RPS6KA2: variants seen among roughly 807,000 people sequenced by gnomAD.
RPS6KA2 encodes the protein ribosomal protein S6 kinase alpha-2.
In RPS6KA2, 42 loss-of-function variants were observed where a neutral mutation model predicts 91.8. The ratio of observed to expected loss-of-function variants is 0.46; its 90% CI spans 0.36 to 0.59. RPS6KA2 has a LOEUF of 0.59. Among genes scored for constraint, RPS6KA2 ranks in the 20% least tolerant of loss-of-function variants. RPS6KA2 has a pLI of 0.00. For missense variants in RPS6KA2, 798 were observed against 978.5 expected (o/e 0.82, Z 2.46); for synonymous variants, 414 against 393.6 (o/e 1.05, Z -0.61).
At chr6:166,861,074 A>C (rs1002599367) in intron 1 of RPS6KA2, among the ~76,000 whole-genome samples, 19 of 152,360 alleles carry the variant, frequency 1.2e-4, no homozygotes, top group African/African-American at 4.6e-4. Context: ...TATGTCGAGC[A>C]TTATTTAGCT....
intron 2 of RPS6KA2, among the ~76,000 whole-genome samples, chr6:166,776,803 A>G (rs1265899049): frequency 1.3e-5 from 2 of 152,204 alleles, no homozygotes; most frequent in Non-Finnish European, 2.9e-5. Context: ...TTGTGCGTCC[A>G]TTCATCCATT....
intron 4 of RPS6KA2, among the ~76,000 whole-genome samples, chr6:166,509,176 T>C (rs1782375408): frequency 6.6e-6 from 1 of 152,238 alleles, no homozygotes; most frequent in Non-Finnish European, 1.5e-5. Flanking sequence ...CAGGACTGTG[T>C]AAACTGAGTG....
rs1363266331 is a variant in RPS6KA2, at chr6:166,557,086, G to A, written c.100-18302C>T. Among the ~76,000 whole-genome samples, 5 of 152,194 alleles carry A rather than the reference G, an allele frequency of 3.3e-5. No homozygotes were observed. Among genetic ancestry groups the A allele is most frequent in the African/African-American group, 4.8e-5 (2 of 41,456 alleles). ...CATCACATCCCGCCTCGCCAAACAC[G>A]TTTTCTCTTCCTGTTACCCAGTGCC... is the stretch of plus-strand genomic sequence containing the variant. On this transcript the variant is annotated intron_variant, in intron 1 of 20. Transcript: ENST00000265678. This position sits in a 1 kb window ranked among gnomAD's most constrained non-coding sequence, Gnocchi z 4.8.
chr6:166,543,407 G>A (rs6918886), intron 1 of RPS6KA2, among the ~76,000 whole-genome samples: 60,679 of 152,006 alleles, frequency 0.4, 12,333 homozygotes, highest in South Asian at 0.56. Context: ...ACTTGGCTTC[G>A]TCTAGAATCT....
At chr6:166,709,510 T>C (rs1789785928) in intron 2 of RPS6KA2, among the ~76,000 whole-genome samples, 1 of 152,176 alleles carries the variant, frequency 6.6e-6, no homozygotes, top group Non-Finnish European at 1.5e-5. Flanking sequence ...GAAAAAACTA[T>C]TTGATGGCTT....
rs986001780 is a variant in RPS6KA2 at position 166,563,349 on chromosome 6, C to T, written c.100-24565G>A. 6.6e-6 allele frequency among the ~76,000 whole-genome samples: 1 copy of T among 152,224 alleles called. No individual in the cohort carries two copies. The highest frequency in any genetic ancestry group is 1.5e-5 in the Non-Finnish European group (1 of 68,034). On this transcript the variant is annotated intron_variant, in intron 1 of 20. Coordinates refer to ENST00000265678, the MANE Select transcript of RPS6KA2 (RefSeq NM_021135.6). The surrounding 1 kb of genome is among the most constrained non-coding windows in gnomAD (Gnocchi z 4.1). The stretch of plus-strand genomic sequence containing the variant: ...ATCAGCCTCTGTTCCTTCTTTTCCG[C>T]AGCTCACCTGTTCCCGGCTTTTCCT...
At chr6:166,741,423 T>C (rs1790811936) in intron 2 of RPS6KA2, among the ~76,000 whole-genome samples, 1 of 152,256 alleles carries the variant, frequency 6.6e-6, no homozygotes, top group African/African-American at 2.4e-5. Context: ...GTTTTGAGTG[T>C]TGAATGTCAA....
At chr6:166,568,512 G>A (rs889569919) in intron 1 of RPS6KA2, among the ~76,000 whole-genome samples, 6 of 151,808 alleles carry the variant, frequency 4.0e-5, no homozygotes, top group Admixed American at 2.6e-4. Flanking sequence ...AGCTACTCAG[G>A]AGGCTTGAGG....
intron 1 of RPS6KA2, among the ~76,000 whole-genome samples, chr6:166,571,600 A>T (rs905118083): frequency 1.3e-5 from 2 of 152,354 alleles, no homozygotes; most frequent in South Asian, 2.1e-4. Context: ...CATGGGGGGA[A>T]ATTTAAAATC....
intron 2 of RPS6KA2, 71 bp from the exon 3 acceptor site, chr6:166,531,384 AG>A: frequency 8.7e-7 from 1 of 1,152,986 alleles, no homozygotes; most frequent in Admixed American, 1.7e-5. Context: ...GGATTTGACA[AG>A]GGGATACACA....
At chr6:166,824,891 C>G (rs931630399) in intron 2 of RPS6KA2, among the ~76,000 whole-genome samples, 2 of 151,872 alleles carry the variant, frequency 1.3e-5, no homozygotes, top group African/African-American at 2.4e-5. Flanking sequence ...GTATGTATGT[C>G]TGTGTGTATG....
rs1008326253 is a variant in RPS6KA2, at chr6:166,694,909, A to G, written c.124-156125T>C. ...CCTCCCAGCTGGGTTTTAGATACCA[A>G]TGTGATCCATATGCTATTTGCTTAC... On this transcript the variant is annotated intron_variant, in intron 2 of 21. Coordinates refer to the RPS6KA2 transcript ENST00000503859. 4.6e-5 allele frequency among the ~76,000 whole-genome samples: 7 copies of G among 152,210 alleles called. No individual in the cohort carries two copies. The East Asian group carries it at 1.3e-3, about 29-fold the overall frequency.
chr6:166,847,021 C>CTCA (rs1302813698), intron 2 of RPS6KA2, among the ~76,000 whole-genome samples: 1 of 152,052 alleles, frequency 6.6e-6, no homozygotes, highest in Non-Finnish European at 1.5e-5. Context: ...AACCTAAAGA[C>CTCA]TCATCCAAAA....
intron 2 of RPS6KA2, among the ~76,000 whole-genome samples, chr6:166,833,250 A>C (rs1254716377): frequency 1.3e-5 from 2 of 152,250 alleles, no homozygotes; most frequent in Non-Finnish European, 2.9e-5. Flanking sequence ...CAACAAAGGA[A>C]GGCATCAGGA....
chr6:166,555,096 T>G (rs1179499855), intron 1 of RPS6KA2, among the ~76,000 whole-genome samples: 9 of 152,300 alleles, frequency 5.9e-5, no homozygotes, highest in African/African-American at 2.2e-4. Context: ...CCTAAGCAGG[T>G]AAATCTGTTT....
rs528051276 is a variant in RPS6KA2, at chr6:166,765,712, C to T, written c.123+92488G>A. On this transcript the variant is annotated intron_variant, in intron 2 of 21. Transcript: ENST00000503859. ...AAGAGCATCTTACTTTTTTGAAAGG[C>T]GTGGGGCTAAGCATCACATTTTACA... Among the ~76,000 whole-genome samples, 4 of 152,240 alleles carry T rather than the reference C, an allele frequency of 2.6e-5. No homozygotes were observed. In the East Asian group the frequency reaches 5.8e-4, roughly 22 times the overall value.
At chr6:166,485,218 A>G (rs931402325) in intron 10 of RPS6KA2, among the ~76,000 whole-genome samples, 1 of 152,268 alleles carries the variant, frequency 6.6e-6, no homozygotes, top group African/African-American at 2.4e-5. Flanking sequence ...GGTCACGGAA[A>G]AGAACAGCTC....
Position 166,498,523 on chromosome 6 carries a change from G to A in RPS6KA2, c.732C>T (p.Ser244=). ...GCAGGCTCACCATGAGCACGCCGAA[G>A]GACCACCAGTCGGCACTCTGCGTGT... ...RGHTQSADWW[S]FGVLMFEMLT... Residue 244 remains serine, a synonymous_variant, in exon 8 of 21, where the codon TCC becomes TCT. Transcript: ENST00000265678. 2 of 1,611,072 alleles carry A rather than the reference G, an allele frequency of 1.2e-6. No homozygotes were observed. The highest frequency in any genetic ancestry group is 1.7e-4 in the Middle Eastern group (1 of 6,006).
intron 6 of RPS6KA2, among the ~76,000 whole-genome samples, chr6:166,502,155 A>G (rs984281598): frequency 6.6e-6 from 1 of 152,196 alleles, no homozygotes; most frequent in Non-Finnish European, 1.5e-5. Context: ...CAGCAATGGG[A>G]ACGTGCTTAA....
Sources: gnomAD v4.1 joint callset for allele counts (sites outside exome capture counted in the v4.1 genomes callset) on GRCh38, gnomAD v4.1.1 for gene constraint, Gnocchi (gnomAD v3.1) non-coding constraint, MANE v1.5 for transcripts, NCBI Gene and HGNC (gene_info 2026-07-23, HGNC 2026-07-21) for gene names.